PPP4R3B: variants seen among roughly 807,000 people sequenced by gnomAD.
The protein encoded by PPP4R3B is protein phosphatase 4 regulatory subunit 3B.
Under a neutral mutation model 95.4 loss-of-function variants are expected in PPP4R3B, and 52 were observed. The observed-to-expected ratio is 0.54, with a 90% CI of 0.44 to 0.69. The LOEUF is 0.69. Among genes scored for constraint, PPP4R3B ranks in the 30% least tolerant of loss-of-function variants. PPP4R3B has a pLI of 0.00. For synonymous variants in PPP4R3B, 407 were observed against 343.9 expected (o/e 1.18, Z -2.03); for missense variants, 1,003 against 1,005.9 (o/e 1.00, Z 0.04).
At chr2:55,603,803 T>TA (rs1407023639) in intron 3 of PPP4R3B, among the ~76,000 whole-genome samples, 175 bp downstream of exon 3, 1 of 152,212 alleles carries the variant, frequency 6.6e-6, no homozygotes, top group African/African-American at 2.4e-5. Context: ...AAGTTGTTTT[T>TA]AAAAAACTTA....
rs140826258 is a variant in PPP4R3B, at chr2:55,566,242, A to T, written c.1936-1201T>A. On this transcript the variant is annotated intron_variant, in intron 13 of 16. Coordinates refer to ENST00000616407, the MANE Select transcript of PPP4R3B (RefSeq NM_001122964.3). ...ACTTCTCAATTGAAAAAAAATACGCAAATCAGAAATTAGAAACCTAGGTAA... is the reference window on the plus strand; with the variant it reads ...ACTTCTCAATTGAAAAAAAATACGCTAATCAGAAATTAGAAACCTAGGTAA... Among the ~76,000 whole-genome samples, 475 of 152,320 alleles carry T rather than the reference A, an allele frequency of 3.1e-3. 1 individual carries two copies. Among genetic ancestry groups the T allele is most frequent in the African/African-American group, 0.011 (451 of 41,582 alleles).
intron 6 of PPP4R3B, among the ~76,000 whole-genome samples, chr2:55,586,330 G>C (rs955014558): frequency 3.9e-5 from 6 of 152,022 alleles, no homozygotes; most frequent in Non-Finnish European, 5.9e-5. Context: ...AAAAACAAAA[G>C]ATATTTTACT....
Position 55,617,371 on chromosome 2 carries a change from T to G in PPP4R3B, c.-86A>C. ...CACTCTTAGGAGACGGTAAAGGCAG[T>G]AGTGGCGGTGGCGGCGGCGGCGGCT... On this transcript the variant is annotated 5_prime_UTR_variant, in exon 1 of 17. Transcript: ENST00000616407. 3 of 1,384,086 alleles carry G rather than the reference T, an allele frequency of 2.2e-6. No individual in the cohort carries two copies. The highest frequency in any genetic ancestry group is 2.8e-6 in the Non-Finnish European group (3 of 1,058,896). 85.7% of individuals were successfully genotyped at this position (1,384,086 alleles called of 1,614,324 possible). A position where few individuals can be genotyped will look rare whatever the true frequency, so the allele number is the denominator to read the frequency against.
chr2:55,579,193 T>C (rs1375083711), intron 9 of PPP4R3B, among the ~76,000 whole-genome samples: 1 of 152,192 alleles, frequency 6.6e-6, no homozygotes, highest in African/African-American at 2.4e-5. Context: ...AAAGAGAATA[T>C]GGAAATGCAA....
At chr2:55,556,574 A>C (rs1430166977) in intron 16 of PPP4R3B, among the ~76,000 whole-genome samples, 1 of 152,002 alleles carries the variant, frequency 6.6e-6, no homozygotes, top group East Asian at 1.9e-4. Context: ...TTTCTAATAT[A>C]AACTTGCCTT....
At chr2:55,598,300 A>T in intron 4 of PPP4R3B, 116 bp downstream of exon 4, 1 of 1,037,820 alleles carries the variant, frequency 9.6e-7, no homozygotes, top group Non-Finnish European at 1.4e-6. Flanking sequence ...TGTACTTAAT[A>T]GTACATTTAA....
chr2:55,600,361 G>T (rs1472324357), intron 3 of PPP4R3B, among the ~76,000 whole-genome samples: 1 of 137,300 alleles, frequency 7.3e-6, no homozygotes, highest in South Asian at 2.4e-4. Flanking sequence ...GGGAGGCGGA[G>T]GTTGCAGTGA....
Position 55,564,301 on chromosome 2 carries a change from G to A in PPP4R3B, c.2260+12C>T, listed in dbSNP as rs749674250. The A allele has an allele frequency of 7.5e-6, 12 of 1,605,466 alleles. No individual in the cohort carries two copies. Among genetic ancestry groups the A allele is most frequent in the South Asian group, 1.1e-5 (1 of 89,510 alleles). On this transcript the variant is annotated intron_variant, in intron 15 of 16. Coordinates refer to ENST00000616407, the MANE Select transcript of PPP4R3B (RefSeq NM_001122964.3). ...AGAGGGTACACTGTGCAAAAATTCC[G>A]AATTTTAATACCTTTTTTAGTCTCC...
rs1410815942 is a variant in PPP4R3B at position 55,578,260 on chromosome 2, G to A, written c.1551C>T (p.Ser517=). Residue 517 remains serine, a synonymous_variant, in exon 10 of 17, where the codon TCC becomes TCT. Coordinates refer to ENST00000616407, the MANE Select transcript of PPP4R3B (RefSeq NM_001122964.3). ...SHSHSHSTPS[S]SISQDNIVGS... ...AATTCAGCATACCTTGAGAGATGGA[G>A]GAAGAGGGGGTAGAATGGGAATGGG... 4 of 1,472,328 alleles carry A rather than the reference G, an allele frequency of 2.7e-6. No homozygotes were observed. In the East Asian group the frequency reaches 1.0e-4, roughly 38 times the overall value. 91.2% of individuals were successfully genotyped at this position (1,472,328 alleles called of 1,614,324 possible).
chr2:55,568,238 G>T lies in PPP4R3B; in HGVS notation c.1891C>A (p.Leu631Met). ...ALLDNGTRYN[L>M]LNSAVIELFE... ...AACTCAATAACAGCTGAATTCAACA[G>T]ATTATACCGAGTTCCATTATCCAGA... The change falls in exon 13 of 17, where the codon CTG (leucine) becomes ATG (methionine). Residue 631 changes from leucine to methionine, a missense_variant. Coordinates refer to ENST00000616407, the MANE Select transcript of PPP4R3B (RefSeq NM_001122964.3). 6.2e-7 allele frequency: 1 copy of T among 1,601,850 alleles called. No homozygotes were observed. The highest frequency in any genetic ancestry group is 8.5e-7 in the Non-Finnish European group (1 of 1,174,234).
intron 2 of PPP4R3B, among the ~76,000 whole-genome samples, chr2:55,606,416 G>A (rs1008766730): frequency 1.3e-5 from 2 of 152,142 alleles, no homozygotes; most frequent in East Asian, 3.9e-4. Context: ...AGAATGCAAT[G>A]GCTCAAGTCT....
chr2:55,563,244 C>G (rs1250971318), intron 15 of PPP4R3B, among the ~76,000 whole-genome samples: 1 of 152,098 alleles, frequency 6.6e-6, no homozygotes, highest in Admixed American at 6.5e-5. Flanking sequence ...AAAATGAGTA[C>G]GAACAATAGT....
chr2:55,604,452 A>C (rs543135724), intron 2 of PPP4R3B, among the ~76,000 whole-genome samples: 1 of 152,244 alleles, frequency 6.6e-6, no homozygotes, highest in East Asian at 1.9e-4. Flanking sequence ...CTATGTATTT[A>C]TCCTTCCCTT....
Position 55,599,047 on chromosome 2 carries a change from T to C in PPP4R3B, c.298-8A>G, listed in dbSNP as rs1180671825. ...TGGGTCTTTACCTTGAACCTAAAAA[T>C]ATCCAAGTATACAGCTAATTACCTT... On this transcript the variant is annotated splice_polypyrimidine_tract_variant and splice_region_variant and intron_variant, in intron 3 of 16. Coordinates refer to ENST00000616407, the MANE Select transcript of PPP4R3B (RefSeq NM_001122964.3). The C allele has an allele frequency of 6.3e-7, 1 of 1,587,546 alleles. No homozygotes were observed. Among genetic ancestry groups the C allele is most frequent in the Non-Finnish European group, 8.5e-7 (1 of 1,170,864 alleles).
At chr2:55,596,104 TA>T (rs1691742231) in intron 4 of PPP4R3B, among the ~76,000 whole-genome samples, 1 of 152,148 alleles carries the variant, frequency 6.6e-6, no homozygotes, top group Non-Finnish European at 1.5e-5. Flanking sequence ...CATACTCGTA[TA>T]CACCCCAATA....
intron 10 of PPP4R3B, among the ~76,000 whole-genome samples, 182 bp from the exon 11 acceptor site, chr2:55,577,538 G>C (rs754895695): frequency 2.7e-4 from 41 of 152,118 alleles, no homozygotes; most frequent in Non-Finnish European, 4.4e-4. Flanking sequence ...TACAAAAGTG[G>C]ATGCAGATGT....
Position 55,585,145 on chromosome 2 carries a change from C to G in PPP4R3B, c.1139G>C (p.Arg380Thr). The change falls in exon 7 of 17, where the codon AGA (arginine) becomes ACA (threonine). Residue 380 changes from arginine (R) to threonine (T), a missense_variant. Transcript: ENST00000616407. ...IVMGMDDLQV[R>T]SAATDIFSYL... ...AGAAAATATATCTGTAGCAGCTGAT[C>G]TGACTTGCAAATCATCCATGCCCTG... 6.2e-7 allele frequency: 1 copy of G among 1,609,784 alleles called. No homozygotes were observed. Among genetic ancestry groups the G allele is most frequent in the Non-Finnish European group, 8.5e-7 (1 of 1,178,396 alleles).
chr2:55,612,227 T>A (rs1014687584), intron 2 of PPP4R3B, among the ~76,000 whole-genome samples: 3 of 152,000 alleles, frequency 2.0e-5, no homozygotes, highest in Non-Finnish European at 1.5e-5. Context: ...CATAGCAAGA[T>A]CCCATCTCTG....
intron 4 of PPP4R3B, among the ~76,000 whole-genome samples, chr2:55,597,401 T>C (rs1691945209): frequency 6.6e-6 from 1 of 151,782 alleles, no homozygotes; most frequent in Non-Finnish European, 1.5e-5. Flanking sequence ...GGTGGGTGGA[T>C]CACAAGGTCA....
Sources: allele counts gnomAD v4.1 joint callset (sites outside exome capture counted in the v4.1 genomes callset), GRCh38; gene constraint gnomAD v4.1.1; transcripts MANE v1.5; gene names NCBI Gene and HGNC (gene_info 2026-07-23, HGNC 2026-07-21).